The following IGF2 variants were observed in gnomAD, a reference collection of about 807,000 sequenced individuals.
The protein encoded by IGF2 is insulin-like growth factor 2.
Under a neutral mutation model 12.0 loss-of-function variants are expected in IGF2, and 2 were observed. The ratio of observed to expected loss-of-function variants is 0.17; its 90% CI spans 0.07 to 0.52. The LOEUF (loss-of-function observed/expected upper bound fraction) is 0.52, where lower values mean the gene tolerates loss of function less well. Ranked by LOEUF, IGF2 falls within the 20% of genes least tolerant of loss-of-function variation. The probability of loss-of-function intolerance (pLI) is 0.95; values close to 1 mark genes in which losing one functional copy is unlikely to be tolerated. For synonymous variants in IGF2, 105 were observed against 110.1 expected (o/e 0.95, Z 0.29); for missense variants, 211 against 268.0 (o/e 0.79, Z 1.48).
At chr11:2,137,183 G>A in intron 1 of IGF2, 1 of 979,896 alleles carries the variant, frequency 1.0e-6, no homozygotes, top group Non-Finnish European at 1.2e-6. Flanking sequence ...CACAGCCCTG[G>A]TTACCTACAG....
upstream of IGF2, among the ~76,000 whole-genome samples, chr11:2,139,541 G>T (rs1188493334): frequency 7.0e-6 from 1 of 143,272 alleles, no homozygotes; most frequent in African/African-American, 2.5e-5. Flanking sequence ...AGCCAAGAGC[G>T]GGGCGGGGGG....
chr11:2,140,534 C>T (rs1859498975), upstream of IGF2: 1 of 529,246 alleles, frequency 1.9e-6, no homozygotes, highest in East Asian at 3.6e-5. Context: ...GGGCTAGAGG[C>T]ACTTTACCGC....
upstream of IGF2, among the ~76,000 whole-genome samples, chr11:2,146,059 A>C (rs1019837078): frequency 6.6e-6 from 1 of 151,976 alleles, no homozygotes; most frequent in Admixed American, 6.5e-5. Flanking sequence ...CCAGCACCTC[A>C]CCAGGGCAAC....
Position 2,133,013 on chromosome 11 carries a change from G to C in IGF2, c.517C>G (p.Pro173Ala), listed in dbSNP as rs11545014. 2.6e-5 allele frequency: 40 copies of C among 1,550,686 alleles called. No individual in the cohort carries two copies. Among genetic ancestry groups the C allele is most frequent in the South Asian group, 2.4e-4 (20 of 82,748 alleles). The change falls in exon 4 of 4, where the codon CCA becomes GCA. Residue 173 changes from proline (P) to alanine (A), a missense_variant. By Grantham distance (27) the Pro-to-Ala change is conservative (BLOSUM62 -1). Transcript: ENST00000416167. This position sits in a 1 kb window ranked among gnomAD's most constrained non-coding sequence, Gnocchi z 8.9. ...TQDPAHGGAP[P>A]EMASNRK ...CACTTCCGATTGCTGGCCATCTCTGGGGGGGCGCCCCCGTGGGCGGGGTCT... is the reference window on the plus strand; with the variant it reads ...CACTTCCGATTGCTGGCCATCTCTGCGGGGGCGCCCCCGTGGGCGGGGTCT...
upstream of IGF2, chr11:2,140,120 C>T: frequency 6.2e-7 from 1 of 1,610,438 alleles, no homozygotes; most frequent in Non-Finnish European, 8.5e-7. Flanking sequence ...GCGGGAAACA[C>T]AGCTCAAATC....
chr11:2,143,408 G>A (rs1859718953), upstream of IGF2, among the ~76,000 whole-genome samples: 2 of 152,234 alleles, frequency 1.3e-5, no homozygotes, highest in South Asian at 4.2e-4. Context: ...AGTAAGCTTA[G>A]GAGACCCTGG....
At chr11:2,139,585 G>C (rs944312056), upstream of IGF2, among the ~76,000 whole-genome samples, 1 of 145,702 alleles carries the variant, frequency 6.9e-6, no homozygotes, top group Non-Finnish European at 1.5e-5. Context: ...CCGGGGGGGG[G>C]GCGGCGGTCG....
the IGF2 span, chr11:2,149,103 T>C: frequency 6.2e-7 from 1 of 1,604,576 alleles, no homozygotes; most frequent in Non-Finnish European, 8.5e-7. Context: ...TCTCTCACAC[T>C]CAAGGGATGG....
the IGF2 span, chr11:2,148,976 G>A: frequency 7.1e-6 from 5 of 702,746 alleles, no homozygotes; most frequent in African/African-American, 7.1e-5. The surrounding 1 kb of genome is among the most constrained non-coding windows in gnomAD (Gnocchi z 4.3). Flanking sequence ...CTGCTCTCAG[G>A]AGGCTTCCCT....
chr11:2,144,667 C>A (rs1859806180), upstream of IGF2, among the ~76,000 whole-genome samples: 1 of 152,090 alleles, frequency 6.6e-6, no homozygotes, highest in South Asian at 2.1e-4. Flanking sequence ...ATATTAAACC[C>A]GCATGCAGGC....
At chr11:2,147,502 C>A in the IGF2 span, 1 of 682,296 alleles carries the variant, frequency 1.5e-6, no homozygotes, top group Non-Finnish European at 2.1e-6. This position sits in a 1 kb window ranked among gnomAD's most constrained non-coding sequence, Gnocchi z 7.2. Context: ...GATCCCAGTT[C>A]GAAGACTCCC....
At chr11:2,140,293 C>A, upstream of IGF2, 1 of 1,611,988 alleles carries the variant, frequency 6.2e-7, no homozygotes, top group Non-Finnish European at 8.5e-7. Flanking sequence ...TCTGGGGAAA[C>A]CATCTCCTGG....
chr11:2,135,655 T>G, intron 1 of IGF2, 126 bp from the exon 2 acceptor site: 1 of 773,498 alleles, frequency 1.3e-6, no homozygotes, highest in Non-Finnish European at 2.1e-6. Context: ...GGCTTTCCTA[T>G]AAACATTATT....
intron 1 of IGF2, among the ~76,000 whole-genome samples, chr11:2,137,457 T>C (rs918907661): frequency 4.3e-5 from 6 of 141,082 alleles, no homozygotes; most frequent in African/African-American, 1.6e-4. Context: ...CCGGGAGCCC[T>C]GGACCATCCC....
chr11:2,146,508 C>T, the IGF2 span: 1 of 439,784 alleles, frequency 2.3e-6, no homozygotes, highest in East Asian at 6.6e-5. Context: ...CAAGGCTGCT[C>T]AATCTGCCCA....
At chr11:2,144,030 G>A (rs1859759704), upstream of IGF2, among the ~76,000 whole-genome samples, 1 of 152,192 alleles carries the variant, frequency 6.6e-6, no homozygotes, top group Non-Finnish European at 1.5e-5. Flanking sequence ...GCCCTGGCGC[G>A]CACGGCCGGC....
In IGF2 at chr11:2,133,576, A is replaced by G; in HGVS notation, c.247T>C (p.Tyr83His). 1 of 1,613,026 alleles carries G rather than the reference A, an allele frequency of 6.2e-7. No homozygotes were observed. Among genetic ancestry groups the G allele is most frequent in the Non-Finnish European group, 8.5e-7 (1 of 1,179,982 alleles). ...RSCDLALLET[Y>H]CATPAKSERD... ...TCGGACTTGGCGGGGGTAGCACAGT[A>G]CGTCTCCAGGAGGGCCAGGTCACAG... is the stretch of plus-strand genomic sequence containing the variant. The change falls in exon 3 of 4, where the codon TAC (tyrosine) becomes CAC (histidine). Residue 83 changes from tyrosine (Y) to histidine (H), a missense_variant. By Grantham distance (83) the Tyr-to-His change is moderately conservative. This residue lies in a region of IGF2 where 141 missense variants were observed against 153.1 expected (regional missense o/e 0.92). Coordinates refer to ENST00000416167, the MANE Select transcript of IGF2 (RefSeq NM_000612.6). This position sits in a 1 kb window ranked among gnomAD's most constrained non-coding sequence, Gnocchi z 8.9.
At chr11:2,141,608 A>T (rs1859602874), upstream of IGF2, among the ~76,000 whole-genome samples, 1 of 152,342 alleles carries the variant, frequency 6.6e-6, no homozygotes, top group East Asian at 1.9e-4. Flanking sequence ...CATTTTGGGG[A>T]TCCAAACACA....
chr11:2,134,723 G>T (rs998862712), intron 2 of IGF2, among the ~76,000 whole-genome samples: 5 of 152,106 alleles, frequency 3.3e-5, no homozygotes, highest in African/African-American at 9.7e-5. Flanking sequence ...CTATCTGGGG[G>T]TGGGGTCTCA....
Sources: allele counts gnomAD v4.1 joint callset (sites outside exome capture counted in the v4.1 genomes callset), GRCh38; gene constraint gnomAD v4.1.1; regional missense constraint gnomAD v4.1.1; non-coding constraint Gnocchi (gnomAD v3.1); transcripts MANE v1.5; gene names NCBI Gene and HGNC (gene_info 2026-07-23, HGNC 2026-07-21).